DMD: variants seen among roughly 807,000 people sequenced by gnomAD.
DMD encodes dystrophin.
In DMD, 63 loss-of-function variants were observed where a neutral mutation model predicts 330.1. The observed-to-expected ratio is 0.19, with a 90% CI of 0.16 to 0.24. The LOEUF (loss-of-function observed/expected upper bound fraction) is 0.24. Among genes scored for constraint, DMD ranks in the 10% least tolerant of loss-of-function variants. DMD has a pLI of 1.00. For synonymous variants in DMD, 1,223 were observed against 959.8 expected (o/e 1.27, Z -5.07); for missense variants, 3,344 against 2,684.1 (o/e 1.25, Z -5.43).
At chrX:33,243,843 T>C (rs1168466800) in intron 1 of DMD, among the ~76,000 whole-genome samples, 1 of 111,237 alleles carries the variant, frequency 9.0e-6, no homozygotes, top group Non-Finnish European at 1.9e-5. Flanking sequence ...TGTGTACATT[T>C]GAAAGTAGAG....
In DMD at chrX:33,248,176, C is replaced by T. The variant is rs930554507; in HGVS notation, c.7+91083G>A. Among the ~76,000 whole-genome samples the T allele has an allele frequency of 1.1e-4, 12 of 110,302 alleles. No individual in the cohort carries two copies. In the East Asian group the frequency reaches 1.4e-3, roughly 13 times the overall value. On this transcript the variant is annotated intron_variant, in intron 1 of 17. Coordinates refer to the DMD transcript ENST00000288447. ...CCTGCCTCAGCCTCCCCAGTAGCTGCGACTACAGGCACCCGCCACCACGCC... is the reference window on the plus strand; with the variant it reads ...CCTGCCTCAGCCTCCCCAGTAGCTGTGACTACAGGCACCCGCCACCACGCC...
chrX:32,610,404 A>T (rs1255673645), intron 12 of DMD, among the ~76,000 whole-genome samples: 1 of 111,343 alleles, frequency 9.0e-6, no homozygotes. Context: ...CCTAATTGCC[A>T]GGTTCAGTAA....
intron 1 of DMD, among the ~76,000 whole-genome samples, chrX:33,250,758 AAAATAT>A (rs1174010902): frequency 9.0e-6 from 1 of 111,465 alleles, no homozygotes; most frequent in Non-Finnish European, 1.9e-5. Context: ...AAAACCATTT[AAAATAT>A]AAATATAATT....
chrX:31,864,691 A>G (rs1452059808), intron 48 of DMD, among the ~76,000 whole-genome samples: 1 of 109,609 alleles, frequency 9.1e-6, no homozygotes, highest in Admixed American at 9.7e-5. Context: ...GGGTTTTGCT[A>G]TATTGCCCAG....
rs747917229 is a variant in DMD at position 32,089,484 on chromosome X, T to C, written c.6439-120970A>G. On this transcript the variant is annotated intron_variant, in intron 44 of 78. Coordinates refer to ENST00000357033, the MANE Select transcript of DMD (RefSeq NM_004006.3). ...CCCCAGTGTGTGTTATTCCCCTCTTTGTGTCCATATGTTCTCATCATTTAG... is the reference window on the plus strand; with the variant it reads ...CCCCAGTGTGTGTTATTCCCCTCTTCGTGTCCATATGTTCTCATCATTTAG... Among the ~76,000 whole-genome samples the C allele has an allele frequency of 1.1e-3, 120 of 111,460 alleles. 1 individual carries two copies. The highest frequency in any genetic ancestry group is 3.6e-3 in the African/African-American group (109 of 30,669).
At chrX:31,652,514 G>A (rs1274309458) in intron 54 of DMD, among the ~76,000 whole-genome samples, 1 of 111,493 alleles carries the variant, frequency 9.0e-6, no homozygotes, top group African/African-American at 3.3e-5. Flanking sequence ...AATTTTTATG[G>A]TGTCGATGGC....
At chrX:32,641,049 C>T (rs2059413020) in intron 11 of DMD, among the ~76,000 whole-genome samples, 1 of 111,248 alleles carries the variant, frequency 9.0e-6, no homozygotes, top group Admixed American at 9.6e-5. Flanking sequence ...TTAGCTGTTC[C>T]TAATCCGTGA....
chrX:31,395,121 T>A (rs1467171440), intron 60 of DMD, among the ~76,000 whole-genome samples: 5 of 111,386 alleles, frequency 4.5e-5, no homozygotes, highest in African/African-American at 1.6e-4. Flanking sequence ...TGGTACCTTT[T>A]TGCCTTCCTC....
intron 51 of DMD, among the ~76,000 whole-genome samples, chrX:31,734,943 G>A (rs2086767501): frequency 9.0e-6 from 1 of 111,588 alleles, no homozygotes; most frequent in African/African-American, 3.3e-5. Flanking sequence ...TGGCCACCAT[G>A]AGAATATGCA....
At chrX:32,372,852 T>G (rs920516230) in intron 34 of DMD, among the ~76,000 whole-genome samples, 1 of 111,536 alleles carries the variant, frequency 9.0e-6, no homozygotes, top group African/African-American at 3.2e-5. Context: ...AATTTAAAAA[T>G]TTTTCTTTAC....
chrX:32,852,608 C>T (rs1249786953), intron 2 of DMD, among the ~76,000 whole-genome samples: 6 of 111,217 alleles, frequency 5.4e-5, no homozygotes, highest in African/African-American at 9.8e-5. Context: ...GATTGCAGGC[C>T]TTGGCTCCTG....
intron 2 of DMD, among the ~76,000 whole-genome samples, chrX:32,886,310 C>T (rs1444362953): frequency 9.2e-6 from 1 of 108,490 alleles, no homozygotes. Context: ...TCTTGGTGGG[C>T]AGTGTAAACT....
At chrX:31,890,386 G>T (rs1454729617) in intron 47 of DMD, among the ~76,000 whole-genome samples, 3 of 107,366 alleles carry the variant, frequency 2.8e-5, no homozygotes, top group Non-Finnish European at 5.8e-5. Context: ...AAGAAAGAAA[G>T]AAAGAAAAAA....
intron 17 of DMD, among the ~76,000 whole-genome samples, chrX:32,534,662 G>A (rs768144188): frequency 6.2e-4 from 69 of 111,283 alleles, no homozygotes; most frequent in African/African-American, 2.3e-3. Flanking sequence ...TTCTTGCTGT[G>A]TCCTCCCAAG....
In DMD at chrX:31,880,267, A is replaced by T. The variant is rs1401610488; in HGVS notation, c.6913-4894T>A. On this transcript the variant is annotated intron_variant, in intron 47 of 78. Transcript: ENST00000357033. ...GGAAGCCTTTTAGAAGCAAAAAAAG[A>T]ATATAAAAAGATTGAATATAATATG... 3.6e-5 allele frequency among the ~76,000 whole-genome samples: 4 copies of T among 112,176 alleles called. No homozygotes were observed. The Admixed American group carries it at 3.8e-4, about 11-fold the overall frequency.
At chrX:32,656,589 C>T (rs1394185551) in intron 9 of DMD, among the ~76,000 whole-genome samples, 2 of 111,819 alleles carry the variant, frequency 1.8e-5, no homozygotes, top group East Asian at 5.6e-4. Context: ...AATAAACTTT[C>T]TACTATAAAA....
intron 45 of DMD, among the ~76,000 whole-genome samples, chrX:31,933,585 A>G (rs887372776): frequency 1.8e-5 from 2 of 111,731 alleles, no homozygotes; most frequent in Admixed American, 9.5e-5. Context: ...ATATACGTAC[A>G]GGACACTGCA....
chrX:31,708,867 T>C (rs1228791573), intron 52 of DMD, among the ~76,000 whole-genome samples: 2 of 112,487 alleles, frequency 1.8e-5, no homozygotes, highest in East Asian at 2.8e-4. Flanking sequence ...TTCTGCTTTC[T>C]CTCTCTGCTT....
intron 44 of DMD, among the ~76,000 whole-genome samples, chrX:32,076,504 C>A (rs1233515293): frequency 9.2e-6 from 1 of 108,267 alleles, no homozygotes; most frequent in Non-Finnish European, 1.9e-5. Flanking sequence ...CTCAGCCTCC[C>A]GAGTAGCTGG....
Sources: allele counts gnomAD v4.1 joint callset (sites outside exome capture counted in the v4.1 genomes callset), GRCh38; gene constraint gnomAD v4.1.1; transcripts MANE v1.5; gene names NCBI Gene and HGNC (gene_info 2026-07-23, HGNC 2026-07-21).